The following SH2B3 variants were observed in gnomAD, a reference collection of about 807,000 sequenced individuals.
SH2B3 encodes SH2B adaptor protein 3, also known as SH2B adapter protein 3.
A neutral mutation model predicts 51.9 loss-of-function variants in SH2B3; 43 were observed. The observed-to-expected ratio is 0.83, with a 90% CI of 0.65 to 1.07. The LOEUF (loss-of-function observed/expected upper bound fraction) is 1.07. SH2B3 is among the 50% of genes least tolerant of loss of function. The pLI is 0.00. For missense variants in SH2B3, 952 were observed against 834.3 expected (o/e 1.14, Z -1.74); for synonymous variants, 396 against 376.0 (o/e 1.05, Z -0.62).
intron 2 of SH2B3, among the ~76,000 whole-genome samples, chr12:111,422,851 C>T (rs1871665844): frequency 6.6e-6 from 1 of 152,124 alleles, no homozygotes; most frequent in Admixed American, 6.6e-5. Context: ...TGAGCTACCT[C>T]ACCTGGCCTC....
chr12:111,439,516 C>T (rs962665899), intron 2 of SH2B3, among the ~76,000 whole-genome samples: 3 of 152,132 alleles, frequency 2.0e-5, no homozygotes, highest in African/African-American at 7.2e-5. Context: ...GAACTCCTGA[C>T]CTTGTGATCT....
At chr12:111,432,822 G>GT (rs1278803676) in intron 2 of SH2B3, among the ~76,000 whole-genome samples, 1 of 152,212 alleles carries the variant, frequency 6.6e-6, no homozygotes, top group Non-Finnish European at 1.5e-5. Flanking sequence ...GTTCACCGAA[G>GT]TTACAGCATG....
chr12:111,426,920 CCTG>C (rs1332231142), intron 2 of SH2B3, among the ~76,000 whole-genome samples: 1 of 152,126 alleles, frequency 6.6e-6, no homozygotes, highest in Non-Finnish European at 1.5e-5. Flanking sequence ...CCCTTGGCCC[CCTG>C]CTGAACTGGT....
intron 2 of SH2B3, among the ~76,000 whole-genome samples, chr12:111,431,191 C>T (rs1029344623): frequency 1.3e-5 from 2 of 152,188 alleles, no homozygotes; most frequent in Non-Finnish European, 2.9e-5. Flanking sequence ...TACATCGGGG[C>T]GATTAAGGGC....
At position 111,429,068 on chromosome 12, in the gene SH2B3, A is replaced by AGGAGGG. The variant is rs1872252895; in HGVS notation, c.732+10193_732+10194insAGGGGG. Among the ~76,000 whole-genome samples the AGGAGGG allele has an allele frequency of 6.6e-6, 1 of 150,960 alleles. No individual in the cohort carries two copies. Among genetic ancestry groups the AGGAGGG allele is most frequent in the Non-Finnish European group, 1.5e-5 (1 of 67,498 alleles). On this transcript the variant is annotated intron_variant, in intron 2 of 7. Coordinates refer to ENST00000341259, the MANE Select transcript of SH2B3 (RefSeq NM_005475.3). The surrounding 1 kb of genome is among the most constrained non-coding windows in gnomAD (Gnocchi z 4.4). ...GAGGAAGAGGAGGAGGAGGAGGAGGAGGGACGGCAGGAAGCCGCCTCGGGC... is the reference window on the plus strand; with the variant it reads ...GAGGAAGAGGAGGAGGAGGAGGAGGAGGAGGGGGGACGGCAGGAAGCCGCCTCGGGC...
chr12:111,408,924 G>C (rs1176618844), intron 1 of SH2B3, among the ~76,000 whole-genome samples: 1 of 152,210 alleles, frequency 6.6e-6, no homozygotes, highest in Non-Finnish European at 1.5e-5. Context: ...ACTGAGCGCT[G>C]AGCCTGGCAC....
intron 1 of SH2B3, among the ~76,000 whole-genome samples, chr12:111,416,846 C>A (rs1190047118): frequency 6.6e-6 from 1 of 152,192 alleles, no homozygotes; most frequent in Non-Finnish European, 1.5e-5. Context: ...GCCATCCTTG[C>A]TAGAGATAAG....
At chr12:111,427,297 A>G (rs970806445) in intron 2 of SH2B3, among the ~76,000 whole-genome samples, 2 of 150,520 alleles carry the variant, frequency 1.3e-5, no homozygotes, top group African/African-American at 4.9e-5. Flanking sequence ...GAGGCAGGAG[A>G]ATCACTTGAG....
intron 2 of SH2B3, among the ~76,000 whole-genome samples, chr12:111,431,794 A>T (rs958445217): frequency 2.2e-4 from 34 of 152,216 alleles, no homozygotes; most frequent in African/African-American, 8.2e-4. Flanking sequence ...TTTTGTAGAG[A>T]CAAACTCTCA....
At chr12:111,425,738 G>A (rs1028008289) in intron 2 of SH2B3, among the ~76,000 whole-genome samples, 6 of 152,160 alleles carry the variant, frequency 3.9e-5, no homozygotes, top group Admixed American at 3.9e-4. Flanking sequence ...CAGGCTACCT[G>A]TGGTCTCCCA....
rs547460521 is a variant in SH2B3, at chr12:111,408,634, G to A, written c.-28+2357G>A. On this transcript the variant is annotated intron_variant, in intron 1 of 7. Transcript: ENST00000341259. ...CACCTGTCTGTGGTGAGGGGAGACC[G>A]GGTGCCCTCCCCAGCCAAGGTGGGG... Among the ~76,000 whole-genome samples, 116 of 152,280 alleles carry A rather than the reference G, an allele frequency of 7.6e-4. 1 individual carries two copies. Among genetic ancestry groups the A allele is most frequent in the African/African-American group, 2.6e-3 (110 of 41,568 alleles).
At chr12:111,417,327 A>T (rs1478237762) in intron 1 of SH2B3, among the ~76,000 whole-genome samples, 1 of 152,154 alleles carries the variant, frequency 6.6e-6, no homozygotes, top group African/African-American at 2.4e-5. Flanking sequence ...TCTGGCTAGG[A>T]CTGTCAGTAC....
chr12:111,418,824 G>C lies in SH2B3; in HGVS notation c.679G>C (p.Ala227Pro), dbSNP rs1037485285. The change falls in exon 2 of 8, where the codon GCC (alanine) becomes CCC (proline). Residue 227 changes from alanine to proline, a missense_variant. Ala to Pro is a conservative substitution (Grantham distance 27, BLOSUM62 -1). Coordinates refer to ENST00000341259, the MANE Select transcript of SH2B3 (RefSeq NM_005475.3). This position sits in a 1 kb window ranked among gnomAD's most constrained non-coding sequence, Gnocchi z 6.7. ...WQRGRLALRRAPGPDGPDRVL... is the reference protein window; with the variant it reads ...WQRGRLALRRPPGPDGPDRVL... The stretch of plus-strand genomic sequence containing the variant: ...GCGCGGGAGGCTGGCGCTGCGCCGG[G>C]CCCCGGGCCCCGATGGCCCCGACCG... 4 of 1,424,340 alleles carry C rather than the reference G, an allele frequency of 2.8e-6. No homozygotes were observed. The highest frequency in any genetic ancestry group is 6.6e-5 in the Admixed American group (2 of 30,096). The allele number at this position is 1,424,340 out of a possible 1,614,324, so 88.2% of individuals were successfully genotyped here.
chr12:111,434,974 C>T, intron 2 of SH2B3: 3 of 1,535,598 alleles, frequency 2.0e-6, no homozygotes, highest in Non-Finnish European at 2.6e-6. Context: ...GGGAGCCCCT[C>T]CACCCCAGAA....
At chr12:111,411,358 GAA>G (rs112900230) in intron 1 of SH2B3, among the ~76,000 whole-genome samples, 4 of 122,394 alleles carry the variant, frequency 3.3e-5, no homozygotes, top group East Asian at 2.3e-4. Context: ...CTCAAAGAAA[GAA>G]AAAAAAAAAA....
At chr12:111,444,345 A>T (rs1395053700) in intron 2 of SH2B3, among the ~76,000 whole-genome samples, 1 of 152,200 alleles carries the variant, frequency 6.6e-6, no homozygotes, top group Non-Finnish European at 1.5e-5. Flanking sequence ...TAGCAGCCAG[A>T]GCAAAGAAAG....
At position 111,448,587 on chromosome 12, in the gene SH2B3, C is replaced by T. The variant is rs754159273; in HGVS notation, c.*285C>T. ...GTCCCTATGCCCAGTCCCCGTTACT[C>T]TTAGAGAAAGGAGTTGGGGTGAGGG... On this transcript the variant is annotated 3_prime_UTR_variant, in exon 8 of 8. Coordinates refer to ENST00000341259, the MANE Select transcript of SH2B3 (RefSeq NM_005475.3). 18 of 382,376 alleles carry T rather than the reference C, an allele frequency of 4.7e-5. 1 individual carries two copies. Among genetic ancestry groups the T allele is most frequent in the Non-Finnish European group, 7.6e-5 (16 of 211,022 alleles). 23.7% of individuals were successfully genotyped at this position (382,376 alleles called of 1,614,324 possible). A position where few individuals can be genotyped will look rare whatever the true frequency, so the allele number is the denominator to read the frequency against.
chr12:111,430,952 C>T (rs531970474), intron 2 of SH2B3, among the ~76,000 whole-genome samples: 1 of 151,978 alleles, frequency 6.6e-6, no homozygotes, highest in Admixed American at 6.6e-5. Flanking sequence ...TGGAAATCCC[C>T]CACCCAGTTC....
At chr12:111,433,376 A>G (rs1393824695) in intron 2 of SH2B3, among the ~76,000 whole-genome samples, 4 of 152,184 alleles carry the variant, frequency 2.6e-5, no homozygotes, top group Non-Finnish European at 5.9e-5. Flanking sequence ...TATATATAAA[A>G]TAAATATGAC....
Sources: gnomAD v4.1 joint callset for allele counts (sites outside exome capture counted in the v4.1 genomes callset) on GRCh38, gnomAD v4.1.1 for gene constraint, Gnocchi (gnomAD v3.1) non-coding constraint, MANE v1.5 for transcripts, NCBI Gene and HGNC (gene_info 2026-07-23, HGNC 2026-07-21) for gene names.